The following FBXL7 variants were observed in gnomAD, a reference collection of about 807,000 sequenced individuals.
The protein encoded by FBXL7 is F-box/LRR-repeat protein 7.
FBXL7 carries 12 observed loss-of-function variants against 38.3 expected under a neutral mutation model. The ratio of observed to expected loss-of-function variants is 0.31; its 90% CI spans 0.20 to 0.51. The LOEUF is 0.51. Ranked by LOEUF, FBXL7 falls within the 20% of genes least tolerant of loss-of-function variation. FBXL7 has a pLI of 0.98. For missense variants in FBXL7, 567 were observed against 676.4 expected (o/e 0.84, Z 1.79); for synonymous variants, 297 against 300.9 (o/e 0.99, Z 0.13).
At chr5:15,605,991 A>G (rs757592096) in intron 1 of FBXL7, among the ~76,000 whole-genome samples, 29 of 152,332 alleles carry the variant, frequency 1.9e-4, no homozygotes, top group Admixed American at 7.8e-4. Flanking sequence ...TGATTATCAC[A>G]TAATACACCT....
At chr5:15,797,351 T>C (rs1737443064) in intron 2 of FBXL7, among the ~76,000 whole-genome samples, 1 of 152,250 alleles carries the variant, frequency 6.6e-6, no homozygotes, top group African/African-American at 2.4e-5. Context: ...TCTCTCTATA[T>C]AAACATGTGA....
chr5:15,585,769 A>G (rs1739280554), intron 1 of FBXL7, among the ~76,000 whole-genome samples: 1 of 152,230 alleles, frequency 6.6e-6, no homozygotes, highest in African/African-American at 2.4e-5. Context: ...GAGTTGTATC[A>G]TATTAAATAT....
intron 2 of FBXL7, among the ~76,000 whole-genome samples, chr5:15,666,793 C>T (rs560007607): frequency 2.8e-4 from 43 of 152,158 alleles, no homozygotes; most frequent in Non-Finnish European, 4.4e-4. Flanking sequence ...TTTGTTCCTC[C>T]GTTTTCAAAT....
At chr5:15,543,371 A>G (rs1320096803) in intron 1 of FBXL7, among the ~76,000 whole-genome samples, 1 of 152,204 alleles carries the variant, frequency 6.6e-6, no homozygotes, top group Non-Finnish European at 1.5e-5. Flanking sequence ...AAACCACCCC[A>G]TGATTCAATT....
At chr5:15,890,498 C>T (rs569795458) in intron 2 of FBXL7, among the ~76,000 whole-genome samples, 1 of 152,136 alleles carries the variant, frequency 6.6e-6, no homozygotes, top group Non-Finnish European at 1.5e-5. Flanking sequence ...ACCTCAGCCT[C>T]CCAAAGTACT....
At chr5:15,573,264 C>T (rs1738845354) in intron 1 of FBXL7, among the ~76,000 whole-genome samples, 1 of 152,160 alleles carries the variant, frequency 6.6e-6, no homozygotes, top group Admixed American at 6.5e-5. Flanking sequence ...CTGAGCCTTC[C>T]ATGTCTTTGA....
At chr5:15,726,722 A>ATAAAT (rs1430421413) in intron 2 of FBXL7, among the ~76,000 whole-genome samples, 1 of 151,626 alleles carries the variant, frequency 6.6e-6, no homozygotes, top group African/African-American at 2.4e-5. Context: ...AAATAAATAA[A>ATAAAT]TAAATAAAAT....
chr5:15,813,639 A>G (rs909440040), intron 2 of FBXL7, among the ~76,000 whole-genome samples: 1 of 152,188 alleles, frequency 6.6e-6, no homozygotes, highest in African/African-American at 2.4e-5. Context: ...GTGAACAGGC[A>G]ACCTACAGAA....
chr5:15,553,198 G>A (rs1738136735), intron 1 of FBXL7, among the ~76,000 whole-genome samples: 1 of 151,934 alleles, frequency 6.6e-6, no homozygotes, highest in African/African-American at 2.4e-5. Context: ...CAGCTTCATT[G>A]CCTATCGTGG....
At chr5:15,869,023 G>C (rs376337851) in intron 2 of FBXL7, among the ~76,000 whole-genome samples, 3 of 152,214 alleles carry the variant, frequency 2.0e-5, no homozygotes, top group African/African-American at 7.2e-5. Flanking sequence ...AGGGGGCTTT[G>C]GTTGTCTCAA....
At chr5:15,591,864 C>T (rs1439692425) in intron 1 of FBXL7, among the ~76,000 whole-genome samples, 1 of 152,142 alleles carries the variant, frequency 6.6e-6, no homozygotes, top group Non-Finnish European at 1.5e-5. Context: ...GCACGCACCA[C>T]CACACCCAGC....
intron 2 of FBXL7, among the ~76,000 whole-genome samples, chr5:15,922,480 G>C (rs1189486042): frequency 2.0e-5 from 3 of 152,192 alleles, no homozygotes. Flanking sequence ...CCACCTCGGA[G>C]AACAGAAGCT....
chr5:15,726,379 G>C (rs1287464739), intron 2 of FBXL7, among the ~76,000 whole-genome samples: 3 of 152,074 alleles, frequency 2.0e-5, no homozygotes, highest in Admixed American at 1.3e-4. Context: ...GATAGTACCT[G>C]TGAGTAGCCA....
chr5:15,652,368 G>A (rs1010756136), intron 2 of FBXL7, among the ~76,000 whole-genome samples: 13 of 152,098 alleles, frequency 8.5e-5, no homozygotes, highest in Admixed American at 5.9e-4. Flanking sequence ...CCGGGTTCAC[G>A]CCATTCTCCT....
intron 2 of FBXL7, among the ~76,000 whole-genome samples, chr5:15,692,775 G>T (rs903768804): frequency 6.6e-6 from 1 of 152,148 alleles, no homozygotes; most frequent in African/African-American, 2.4e-5. Context: ...TAAGCGGGTG[G>T]TGCCTACATG....
At chr5:15,930,929 ATGGC>A (rs1742022122) in intron 3 of FBXL7, among the ~76,000 whole-genome samples, 2 of 152,178 alleles carry the variant, frequency 1.3e-5, no homozygotes, top group Admixed American at 1.3e-4. Context: ...TGATTTCATT[ATGGC>A]TGGTTCTCTT....
At chr5:15,604,949 T>A (rs2126499933) in intron 1 of FBXL7, among the ~76,000 whole-genome samples, 1 of 152,278 alleles carries the variant, frequency 6.6e-6, no homozygotes, top group South Asian at 2.1e-4. Flanking sequence ...TGTGCAGGGA[T>A]CCTGTGATCT....
intron 2 of FBXL7, among the ~76,000 whole-genome samples, chr5:15,887,278 A>G (rs1312158930): frequency 1.3e-5 from 2 of 152,138 alleles, no homozygotes; most frequent in Non-Finnish European, 1.5e-5. Context: ...AGCACAAAAG[A>G]GCAGGCTCTG....
At chr5:15,561,323 T>C (rs2126437509) in intron 1 of FBXL7, among the ~76,000 whole-genome samples, 1 of 152,274 alleles carries the variant, frequency 6.6e-6, no homozygotes, top group South Asian at 2.1e-4. Flanking sequence ...GCAGTATTTG[T>C]CTTTCTCTGT....
Sources: allele counts gnomAD v4.1 joint callset (sites outside exome capture counted in the v4.1 genomes callset), GRCh38; gene constraint gnomAD v4.1.1; transcripts MANE v1.5; gene names NCBI Gene and HGNC (gene_info 2026-07-23, HGNC 2026-07-21).